The following THRB variants were observed in gnomAD, a reference collection of about 807,000 sequenced individuals.
THRB encodes the protein nuclear receptor subfamily 1 group A member 2.
THRB carries 12 observed loss-of-function variants against 47.8 expected under a neutral mutation model. The ratio of observed to expected loss-of-function variants is 0.25; its 90% CI spans 0.16 to 0.41. The LOEUF is 0.41. Among genes scored for constraint, THRB ranks in the 10% least tolerant of loss-of-function variants. The pLI, the probability that THRB is intolerant of heterozygous loss-of-function variation, is 1.00. For missense variants in THRB, 348 were observed against 589.2 expected (o/e 0.59, Z 4.24); for synonymous variants, 218 against 212.2 (o/e 1.03, Z -0.24).
intron 4 of THRB, among the ~76,000 whole-genome samples, chr3:24,208,822 CA>C (rs201887476): frequency 0.11 from 17,424 of 151,668 alleles, 1,327 homozygotes; most frequent in Non-Finnish European, 0.17. Context: ...CCAAAAGCAA[CA>C]AAAGCCAAAA....
chr3:24,346,165 C>T (rs2063001884), intron 1 of THRB, among the ~76,000 whole-genome samples: 2 of 151,954 alleles, frequency 1.3e-5, no homozygotes, highest in Non-Finnish European at 2.9e-5. Flanking sequence ...GGATTTAAAA[C>T]ATAACTAGAA....
At chr3:24,338,368 C>T (rs988699263) in intron 1 of THRB, among the ~76,000 whole-genome samples, 13 of 152,094 alleles carry the variant, frequency 8.5e-5, no homozygotes, top group Non-Finnish European at 1.6e-4. Context: ...AAATGCATAT[C>T]GAAGGCAATG....
intron 2 of THRB, among the ~76,000 whole-genome samples, chr3:24,300,589 TG>T (rs1576663285): frequency 6.6e-6 from 1 of 152,206 alleles, no homozygotes; most frequent in East Asian, 1.9e-4. Context: ...GATATCTCCC[TG>T]TGTTTTTTAT....
intron 1 of THRB, among the ~76,000 whole-genome samples, chr3:24,417,859 A>G: frequency 6.6e-6 from 1 of 151,894 alleles, no homozygotes; most frequent in Non-Finnish European, 1.5e-5. Flanking sequence ...ACAAATGAGG[A>G]AACGGGGATT....
At chr3:24,174,933 T>C (rs1238719341) in intron 5 of THRB, among the ~76,000 whole-genome samples, 1 of 152,194 alleles carries the variant, frequency 6.6e-6, no homozygotes, top group African/African-American at 2.4e-5. Flanking sequence ...ATGTCCAAAA[T>C]GGTATGTCTC....
chr3:24,370,162 T>C (rs896042773), intron 1 of THRB, among the ~76,000 whole-genome samples: 1 of 152,156 alleles, frequency 6.6e-6, no homozygotes, highest in Non-Finnish European at 1.5e-5. Flanking sequence ...CGGGGCATTA[T>C]AATAATAAAA....
chr3:24,409,455 A>G lies in THRB; in HGVS notation c.-260-72084T>C, dbSNP rs570571341. On this transcript the variant is annotated intron_variant, in intron 1 of 10. Transcript: ENST00000646209. ...TTAAGAATATGGGCTCTGGATTCAT[A>G]CAGAACTAAGTCACATTCTGGCTCT... 2.6e-5 allele frequency among the ~76,000 whole-genome samples: 4 copies of G among 151,954 alleles called. No homozygotes were observed. In the South Asian group the frequency reaches 8.3e-4, roughly 31 times the overall value.
intron 1 of THRB, among the ~76,000 whole-genome samples, chr3:24,474,251 C>T (rs1299813121): frequency 3.9e-5 from 6 of 152,184 alleles, no homozygotes; most frequent in Non-Finnish European, 8.8e-5. Flanking sequence ...AACATATCTT[C>T]AGAGCAAGTA....
intron 2 of THRB, among the ~76,000 whole-genome samples, chr3:24,325,834 G>A (rs1163248119): frequency 6.6e-6 from 1 of 152,130 alleles, no homozygotes; most frequent in Non-Finnish European, 1.5e-5. Flanking sequence ...TTTCCAACAT[G>A]TAATAAATCA....
intron 10 of THRB, among the ~76,000 whole-genome samples, chr3:24,125,782 G>A (rs2148814803): frequency 6.6e-6 from 1 of 152,240 alleles, no homozygotes; most frequent in Non-Finnish European, 1.5e-5. Context: ...GCCAGCAAGA[G>A]GGAATCTTAG....
At chr3:24,460,216 C>A (rs2073570124) in intron 1 of THRB, among the ~76,000 whole-genome samples, 1 of 152,148 alleles carries the variant, frequency 6.6e-6, no homozygotes, top group Non-Finnish European at 1.5e-5. Context: ...GCTTATCTAT[C>A]CGAGATGTAT....
chr3:24,317,155 T>C (rs2058172056), intron 2 of THRB, among the ~76,000 whole-genome samples: 1 of 152,170 alleles, frequency 6.6e-6, no homozygotes. Context: ...AGCCGCATAG[T>C]ATGGGGTCTG....
At chr3:24,257,034 G>C (rs1394994753) in intron 3 of THRB, among the ~76,000 whole-genome samples, 2 of 152,246 alleles carry the variant, frequency 1.3e-5, no homozygotes, top group East Asian at 3.9e-4. Context: ...TCTCGGTTGT[G>C]ATAGCTGTAA....
In THRB at chr3:24,166,069, T is replaced by C. The variant is rs191375807; in HGVS notation, c.284-13579A>G. Among the ~76,000 whole-genome samples the C allele has an allele frequency of 5.3e-5, 8 of 152,298 alleles. No individual in the cohort carries two copies. The East Asian group carries it at 1.5e-3, about 29-fold the overall frequency. ...GATCCAACCATCTTCCCATGACACA[T>C]AGGTCCCGCTGGTTTTTAAAACATG... On this transcript the variant is annotated intron_variant, in intron 5 of 10. Transcript: ENST00000646209.
At chr3:24,256,286 T>C (rs1318883249) in intron 3 of THRB, among the ~76,000 whole-genome samples, 1 of 89,478 alleles carries the variant, frequency 1.1e-5, no homozygotes, top group African/African-American at 3.2e-5. Context: ...ACTTGGTTAG[T>C]GGAAGAGGGC....
At chr3:24,242,988 C>G (rs2049706712) in intron 3 of THRB, among the ~76,000 whole-genome samples, 1 of 141,792 alleles carries the variant, frequency 7.1e-6, no homozygotes, top group South Asian at 2.3e-4. Context: ...GCTGCAAAGT[C>G]AAATCAGGGG....
chr3:24,280,731 G>A (rs1203712082), intron 3 of THRB, among the ~76,000 whole-genome samples: 1 of 152,032 alleles, frequency 6.6e-6, no homozygotes, highest in African/African-American at 2.4e-5. Context: ...CCAATACAGA[G>A]AAGTGCTTAA....
At chr3:24,269,397 GCGCGCGCACA>G (rs72187943) in intron 3 of THRB, among the ~76,000 whole-genome samples, 18,198 of 113,710 alleles carry the variant, frequency 0.16, 1,304 homozygotes, top group South Asian at 0.26. Flanking sequence ...ACGCGCGCGC[GCGCGCGCACA>G]CACACACACA....
chr3:24,404,077 C>A (rs996941632), intron 1 of THRB, among the ~76,000 whole-genome samples: 1 of 151,746 alleles, frequency 6.6e-6, no homozygotes, highest in Non-Finnish European at 1.5e-5. Flanking sequence ...TGATAGATTC[C>A]CATAGTTAAA....
Sources: gnomAD v4.1 joint callset for allele counts (sites outside exome capture counted in the v4.1 genomes callset) on GRCh38, gnomAD v4.1.1 for gene constraint, MANE v1.5 for transcripts, NCBI Gene and HGNC (gene_info 2026-07-23, HGNC 2026-07-21) for gene names.